PCDH11X: variants seen among roughly 807,000 people sequenced by gnomAD.
PCDH11X encodes the protein protocadherin-11 X-linked.
In PCDH11X, 18 loss-of-function variants were observed where a neutral mutation model predicts 53.3. The observed-to-expected ratio is 0.34, with a 90% CI of 0.23 to 0.50. The LOEUF is 0.50. PCDH11X is among the 20% of genes least tolerant of loss of function. PCDH11X has a pLI of 0.98. For synonymous variants in PCDH11X, 279 were observed against 393.3 expected (o/e 0.71, Z 3.44); for missense variants, 570 against 1,032.4 (o/e 0.55, Z 6.14).
At chrX:91,855,246 G>A (rs996305433) in intron 5 of PCDH11X, among the ~76,000 whole-genome samples, 1 of 111,526 alleles carries the variant, frequency 9.0e-6, no homozygotes, top group African/African-American at 3.3e-5. Context: ...ACCATTTATT[G>A]AAGAGATTGT....
rs965972694 is a variant in PCDH11X, at chrX:92,621,627, T to G, written c.*2687T>G. On this transcript the variant is annotated 3_prime_UTR_variant, in exon 11 of 11. Transcript: ENST00000682573. The stretch of plus-strand genomic sequence containing the variant: ...TCTGGCCTTGGAAACCTGTTACTTC[T>G]AGGGCTTCAGATCTGATGATATCTT... 4 of 110,781 alleles carry G rather than the reference T, an allele frequency of 3.6e-5. No homozygotes were observed. The highest frequency in any genetic ancestry group is 6.6e-5 in the African/African-American group (2 of 30,379). 9.1% of individuals were successfully genotyped at this position (110,781 alleles called of 1,213,427 possible).
intron 10 of PCDH11X, among the ~76,000 whole-genome samples, chrX:92,470,769 T>A (rs192834995): frequency 1.6e-3 from 175 of 110,659 alleles, no homozygotes; most frequent in Non-Finnish European, 2.7e-3. Flanking sequence ...TTGCATACAT[T>A]GAGCCATCTT....
At chrX:92,491,054 A>G (rs1338427745) in intron 10 of PCDH11X, among the ~76,000 whole-genome samples, 1 of 107,247 alleles carries the variant, frequency 9.3e-6, no homozygotes, top group Non-Finnish European at 1.9e-5. Context: ...TTTGTGATCT[A>G]TTTTCATATG....
chrX:92,399,908 A>ATTTT (rs397961081), intron 9 of PCDH11X, among the ~76,000 whole-genome samples: 20 of 91,420 alleles, frequency 2.2e-4, no homozygotes, highest in African/African-American at 8.1e-4. Context: ...CGCCCGGCTA[A>ATTTT]TTTTTTTTTT....
chrX:92,167,840 T>C (rs2065759730), intron 6 of PCDH11X, among the ~76,000 whole-genome samples: 1 of 111,631 alleles, frequency 9.0e-6, no homozygotes, highest in South Asian at 3.7e-4. Flanking sequence ...ATAGAAAATG[T>C]GTAAGTACAC....
intron 10 of PCDH11X, among the ~76,000 whole-genome samples, chrX:92,493,387 C>G (rs751648261): frequency 9.1e-6 from 1 of 109,734 alleles, no homozygotes; most frequent in East Asian, 2.9e-4. Context: ...GCTCTGACTA[C>G]AATAAAGTAC....
intron 8 of PCDH11X, among the ~76,000 whole-genome samples, chrX:92,322,015 T>G (rs907594640): frequency 1.9e-5 from 2 of 108,000 alleles, no homozygotes; most frequent in African/African-American, 6.8e-5. Flanking sequence ...GAAACGTATA[T>G]ACTTTGCTGG....
rs544188102 is a variant in PCDH11X at position 91,824,408 on chromosome X, A to G, written c.-44-11053A>G. ...CTTTTTTCTCTAAACTTCCCTTCTC[A>G]CTTCATTTCATTCATTTCATCTTCC... On this transcript the variant is annotated intron_variant, in intron 4 of 10. Coordinates refer to ENST00000682573, the MANE Select transcript of PCDH11X (RefSeq NM_032968.5). Among the ~76,000 whole-genome samples the G allele has an allele frequency of 4.1e-3, 443 of 108,093 alleles. 1 individual carries two copies. The highest frequency in any genetic ancestry group is 6.3e-3 in the Non-Finnish European group (328 of 52,206). 93.9% of individuals were successfully genotyped at this position (108,093 alleles called of 115,157 possible). A position where few individuals can be genotyped will look rare whatever the true frequency, so the allele number is the denominator to read the frequency against.
At position 91,874,067 on chromosome X, in the gene PCDH11X, T is replaced by C. The variant is rs189023248; in HGVS notation, c.541-2714T>C. ...CTCTCACTATATTAGCCACTCAGTA[T>C]TGGAATGTCAAGGATTAAAAGAATA... On this transcript the variant is annotated intron_variant, in intron 5 of 10. Transcript: ENST00000682573. Among the ~76,000 whole-genome samples, 365 of 111,143 alleles carry C rather than the reference T, an allele frequency of 3.3e-3. 3 individuals are homozygous for C. The highest frequency in any genetic ancestry group is 0.012 in the African/African-American group (355 of 30,718).
intron 6 of PCDH11X, among the ~76,000 whole-genome samples, chrX:92,088,081 A>G (rs766290859): frequency 0.014 from 1,454 of 106,910 alleles, 22 homozygotes; most frequent in African/African-American, 0.047. Context: ...GTTATACTAC[A>G]TTCTTGGAAA....
At chrX:92,253,612 C>A (rs2148401193) in intron 7 of PCDH11X, among the ~76,000 whole-genome samples, 1 of 111,616 alleles carries the variant, frequency 9.0e-6, no homozygotes, top group African/African-American at 3.2e-5. Context: ...TCTTCAATTT[C>A]TTTTAGTAGT....
intron 7 of PCDH11X, among the ~76,000 whole-genome samples, chrX:92,225,331 CAA>C (rs35632625): frequency 3.1e-3 from 214 of 69,379 alleles, no homozygotes; most frequent in African/African-American, 0.01. Context: ...CACAATAATT[CAA>C]AAAAAAAAAA....
At chrX:92,072,438 G>A (rs1348719932) in intron 6 of PCDH11X, among the ~76,000 whole-genome samples, 2 of 111,288 alleles carry the variant, frequency 1.8e-5, no homozygotes, top group Non-Finnish European at 3.8e-5. Context: ...GGCTCACTAA[G>A]ACCTCTGTGT....
At chrX:92,284,593 G>T (rs1164959674) in intron 8 of PCDH11X, among the ~76,000 whole-genome samples, 1 of 112,236 alleles carries the variant, frequency 8.9e-6, no homozygotes, top group Non-Finnish European at 1.9e-5. Flanking sequence ...CCTAATGACT[G>T]TCAGAAAACG....
chrX:92,541,702 T>TA (rs138490491), intron 10 of PCDH11X, among the ~76,000 whole-genome samples: 4 of 99,292 alleles, frequency 4.0e-5, no homozygotes, highest in Middle Eastern at 0.011. Context: ...ATAACTCAAT[T>TA]AAAAAAAAAA....
At chrX:92,201,146 ATTTCT>A (rs2066383660) in intron 6 of PCDH11X, 1 of 124,445 alleles carries the variant, frequency 8.0e-6, no homozygotes, top group Non-Finnish European at 1.5e-5. Context: ...GAGAAAATAA[ATTTCT>A]TTTCTTTTTT....
intron 7 of PCDH11X, among the ~76,000 whole-genome samples, chrX:92,209,153 A>T (rs2066534694): frequency 9.0e-6 from 1 of 111,295 alleles, no homozygotes; most frequent in Admixed American, 9.6e-5. Context: ...AACCCCTCCC[A>T]AATCTCATGT....
intron 8 of PCDH11X, among the ~76,000 whole-genome samples, chrX:92,383,484 C>G (rs142096275): frequency 9.1e-6 from 1 of 110,322 alleles, no homozygotes; most frequent in African/African-American, 3.3e-5. Context: ...TAGCCCCACA[C>G]CCTCCAACAG....
At chrX:92,244,015 T>C (rs760688626) in intron 7 of PCDH11X, among the ~76,000 whole-genome samples, 1 of 110,793 alleles carries the variant, frequency 9.0e-6, no homozygotes, top group South Asian at 3.8e-4. Context: ...TCCTTAGCGC[T>C]GACAAGGCCA....
Sources: allele counts gnomAD v4.1 joint callset (sites outside exome capture counted in the v4.1 genomes callset), GRCh38; gene constraint gnomAD v4.1.1; transcripts MANE v1.5; gene names NCBI Gene and HGNC (gene_info 2026-07-23, HGNC 2026-07-21).